Variants in IPO8 observed in about 807,000 individuals in gnomAD.
IPO8 encodes the protein importin-8.
A neutral mutation model predicts 141.2 loss-of-function variants in IPO8; 65 were observed. The ratio of observed to expected loss-of-function variants is 0.46; its 90% CI spans 0.38 to 0.57. IPO8 has a LOEUF of 0.57. IPO8 is among the 20% of genes least tolerant of loss of function. IPO8 has a pLI of 0.00. For synonymous variants in IPO8, 411 were observed against 420.3 expected, an observed-to-expected ratio of 0.98 and a Z score of 0.27; for missense variants, 980 against 1,246.8, an observed-to-expected ratio of 0.79 and a Z score of 3.22.
intron 6 of IPO8, 84 bp from the exon 7 acceptor site, chr12:30,674,837 T>C (rs2053098321): frequency 2.2e-6 from 2 of 890,346 alleles, no homozygotes; most frequent in South Asian, 1.3e-5. Flanking sequence ...AATCTTGATA[T>C]AGGTTAAGTC....
intron 24 of IPO8, 91 bp downstream of exon 24, chr12:30,631,804 A>G (rs2052436493): frequency 4.1e-6 from 3 of 730,648 alleles, no homozygotes; most frequent in Non-Finnish European, 7.1e-6. Flanking sequence ...AATTTCAAAA[A>G]CAGTGTTTAG....
intron 16 of IPO8, among the ~76,000 whole-genome samples, chr12:30,659,504 C>A (rs376348992): frequency 3.9e-4 from 55 of 139,516 alleles, no homozygotes; most frequent in East Asian, 6.5e-4. Context: ...AACAAATAAA[C>A]AAAAAAAAAA....
chr12:30,637,307 A>G, intron 21 of IPO8, 120 bp from the exon 22 acceptor site: 1 of 734,838 alleles, frequency 1.4e-6, no homozygotes, highest in Non-Finnish European at 2.3e-6. Flanking sequence ...TTGGTATCAT[A>G]CAGAGACATT....
Position 30,648,498 on chromosome 12 carries a change from C to T in IPO8, c.2268+639G>A, listed in dbSNP as rs1353015291. On this transcript the variant is annotated intron_variant, in intron 20 of 24. Transcript: ENST00000256079. ...TAACAGTTGCACAATTCTTTGAATACACTAAAAACCATGTATGTATACACT... is the reference window on the plus strand; with the variant it reads ...TAACAGTTGCACAATTCTTTGAATATACTAAAAACCATGTATGTATACACT... Among the ~76,000 whole-genome samples, 3 of 152,078 alleles carry T rather than the reference C, an allele frequency of 2.0e-5. 1 individual carries two copies. Among genetic ancestry groups the T allele is most frequent in the Non-Finnish European group, 4.4e-5 (3 of 68,006 alleles).
In IPO8 at chr12:30,695,450, C is replaced by T; in HGVS notation, c.84+114G>A. 1.2e-6 allele frequency: 1 copy of T among 838,666 alleles called. No homozygotes were observed. Among genetic ancestry groups the T allele is most frequent in the Non-Finnish European group, 1.9e-6 (1 of 516,154 alleles). The allele number at this position is 838,666 out of a possible 1,614,324, so 52.0% of individuals were successfully genotyped here. The stretch of plus-strand genomic sequence containing the variant: ...TCGGAGAGCGGGACCAGCCGTGAGG[C>T]GTCAGCCCCAGCCCGGTGGGGGTGA... On this transcript the variant is annotated intron_variant, in intron 1 of 24. Transcript: ENST00000256079. The surrounding 1 kb of genome is among the most constrained non-coding windows in gnomAD (Gnocchi z 4.2).
chr12:30,640,636 C>A (rs974932566), intron 20 of IPO8, among the ~76,000 whole-genome samples: 38 of 152,068 alleles, frequency 2.5e-4, no homozygotes, highest in African/African-American at 8.7e-4. Context: ...CACATATAAG[C>A]TATGTTAAAA....
intron 1 of IPO8, among the ~76,000 whole-genome samples, chr12:30,691,937 T>C (rs1336247853): frequency 1.3e-5 from 2 of 152,220 alleles, no homozygotes; most frequent in African/African-American, 4.8e-5. Flanking sequence ...ATCACAAATC[T>C]GTGGCATGTA....
chr12:30,678,843 A>C (rs889211566), intron 5 of IPO8, among the ~76,000 whole-genome samples: 5 of 152,062 alleles, frequency 3.3e-5, no homozygotes, highest in African/African-American at 1.2e-4. Flanking sequence ...GTTGTATCAT[A>C]CTTTTATTTT....
At chr12:30,637,464 G>T (rs1053349292) in intron 21 of IPO8, among the ~76,000 whole-genome samples, 9 of 152,028 alleles carry the variant, frequency 5.9e-5, no homozygotes, top group Admixed American at 3.3e-4. Flanking sequence ...TATGGGCCTC[G>T]GCATAAGGAG....
At chr12:30,684,911 C>T (rs1480452320) in intron 2 of IPO8, among the ~76,000 whole-genome samples, 1 of 151,970 alleles carries the variant, frequency 6.6e-6, no homozygotes, top group Non-Finnish European at 1.5e-5. Context: ...TTTCATCCAA[C>T]CTTTTTGAAA....
intron 2 of IPO8, among the ~76,000 whole-genome samples, chr12:30,686,992 G>T (rs984727314): frequency 1.3e-5 from 2 of 151,908 alleles, no homozygotes; most frequent in East Asian, 3.9e-4. Flanking sequence ...GGATAATTAT[G>T]GATTACTAAG....
chr12:30,684,023 A>C (rs760815001), intron 3 of IPO8, among the ~76,000 whole-genome samples: 1 of 152,256 alleles, frequency 6.6e-6, no homozygotes, highest in African/African-American at 2.4e-5. Flanking sequence ...TTAAGTAGCA[A>C]GACTTACACA....
intron 1 of IPO8, among the ~76,000 whole-genome samples, chr12:30,691,538 T>C (rs1311814085): frequency 1.3e-5 from 2 of 152,212 alleles, no homozygotes; most frequent in Non-Finnish European, 2.9e-5. Flanking sequence ...AGATGTACAG[T>C]ACCTGGACTA....
At chr12:30,640,821 TA>T (rs1221661403) in intron 20 of IPO8, among the ~76,000 whole-genome samples, 1 of 152,212 alleles carries the variant, frequency 6.6e-6, no homozygotes, top group East Asian at 1.9e-4. Flanking sequence ...TAGTTAACAG[TA>T]ATACATAGTT....
intron 17 of IPO8, among the ~76,000 whole-genome samples, chr12:30,654,673 G>A (rs968227207): frequency 2.0e-5 from 3 of 151,710 alleles, no homozygotes; most frequent in Non-Finnish European, 3.0e-5. Flanking sequence ...TCATATCTAC[G>A]AGAATGTCTA....
chr12:30,639,299 G>A (rs1445443765), intron 21 of IPO8, among the ~76,000 whole-genome samples: 3 of 151,642 alleles, frequency 2.0e-5, no homozygotes, highest in Non-Finnish European at 2.9e-5. Context: ...AATAAAAGCG[G>A]GAAAGGGCTA....
chr12:30,659,611 G>C (rs1235614823), intron 16 of IPO8, among the ~76,000 whole-genome samples: 3 of 152,012 alleles, frequency 2.0e-5, no homozygotes, highest in Non-Finnish European at 4.4e-5. Flanking sequence ...CAGCACTTTG[G>C]GAGGCCGAGG....
intron 7 of IPO8, among the ~76,000 whole-genome samples, 158 bp from the exon 8 acceptor site, chr12:30,674,232 T>C (rs1038176074): frequency 5.3e-5 from 8 of 152,152 alleles, no homozygotes; most frequent in Non-Finnish European, 1.2e-4. Flanking sequence ...GAAATCAAGA[T>C]AACCTGTACT....
In IPO8 at chr12:30,692,146, T is replaced by C. The variant is rs527672836; in HGVS notation, c.85-1569A>G. On this transcript the variant is annotated intron_variant, in intron 1 of 24. Transcript: ENST00000256079. ...GTCATGAATCAAAGATTAAAACATC[T>C]ATATAGTTTATTCTAATCATAAAAA... is the stretch of plus-strand genomic sequence containing the variant. 2.0e-5 allele frequency among the ~76,000 whole-genome samples: 3 copies of C among 152,364 alleles called. 1 individual carries two copies. The East Asian group carries it at 5.8e-4, about 29-fold the overall frequency.
Sources: gnomAD v4.1 joint callset for allele counts (sites outside exome capture counted in the v4.1 genomes callset) on GRCh38, gnomAD v4.1.1 for gene constraint, Gnocchi (gnomAD v3.1) non-coding constraint, MANE v1.5 for transcripts, NCBI Gene and HGNC (gene_info 2026-07-23, HGNC 2026-07-21) for gene names.